The following PARD3B variants were observed in gnomAD, a reference collection of about 807,000 sequenced individuals.
PARD3B encodes the protein par-3 family cell polarity regulator beta, also known as partitioning defective 3 homolog B.
PARD3B carries 103 observed loss-of-function variants against 130.2 expected under a neutral mutation model. The observed-to-expected ratio is 0.79, with a 90% CI of 0.67 to 0.93. The LOEUF (loss-of-function observed/expected upper bound fraction) is 0.93, where lower values mean the gene tolerates loss of function less well. PARD3B is among the 40% of genes least tolerant of loss of function. PARD3B has a pLI of 0.00. For missense variants in PARD3B, 1,609 were observed against 1,499.2 expected (o/e 1.07, Z -1.21); for synonymous variants, 583 against 553.2 (o/e 1.05, Z -0.76).
chr2:204,914,194 G>A (rs1254453329), intron 2 of PARD3B, among the ~76,000 whole-genome samples: 1 of 152,170 alleles, frequency 6.6e-6, no homozygotes, highest in Non-Finnish European at 1.5e-5. Flanking sequence ...TGTGAGATGA[G>A]GGTCTGTTAA....
intron 15 of PARD3B, among the ~76,000 whole-genome samples, chr2:205,223,000 T>G (rs771406341): frequency 1.6e-4 from 24 of 152,142 alleles, no homozygotes; most frequent in Non-Finnish European, 2.9e-4. Context: ...TAGAAAGTGG[T>G]ACGTATTCTT....
intron 2 of PARD3B, among the ~76,000 whole-genome samples, chr2:204,819,561 G>A (rs952910741): frequency 1.3e-5 from 2 of 152,128 alleles, no homozygotes; most frequent in African/African-American, 4.8e-5. Flanking sequence ...TCAAATGAAA[G>A]GAAGAGTCAT....
intron 1 of PARD3B, among the ~76,000 whole-genome samples, chr2:204,685,757 C>T (rs2037045466): frequency 6.6e-6 from 1 of 150,866 alleles, no homozygotes; most frequent in Non-Finnish European, 1.5e-5. Flanking sequence ...TAGCTATTAC[C>T]ATCACAGATT....
At chr2:205,388,929 C>G (rs953957027) in intron 18 of PARD3B, among the ~76,000 whole-genome samples, 1 of 152,274 alleles carries the variant, frequency 6.6e-6, no homozygotes, top group Middle Eastern at 3.4e-3. Flanking sequence ...CAGTTGGTAA[C>G]TCTGTCTTGC....
chr2:204,797,521 A>G (rs867563826), intron 2 of PARD3B, among the ~76,000 whole-genome samples: 8 of 152,232 alleles, frequency 5.3e-5, no homozygotes, highest in Non-Finnish European at 1.2e-4. Flanking sequence ...GAAAATTATT[A>G]AAGTGCATAT....
rs182730805 is a variant in PARD3B, at chr2:205,458,229, C to T, written c.3044+17557C>T. Among the ~76,000 whole-genome samples the T allele has an allele frequency of 1.3e-5, 2 of 152,050 alleles. No individual in the cohort carries two copies. The highest frequency in any genetic ancestry group is 2.9e-5 in the Non-Finnish European group (2 of 68,002). On this transcript the variant is annotated intron_variant, in intron 20 of 22. Transcript: ENST00000406610. The surrounding 1 kb of genome is among the most constrained non-coding windows in gnomAD (Gnocchi z 4.8). ...TTGAAAAATTCTCAGCTGGTCACAC[C>T]TCTTCAGAATTGTTTCTGTTCCCTC... is the stretch of plus-strand genomic sequence containing the variant.
In PARD3B at chr2:205,470,514, C is replaced by T. The variant is rs897394349; in HGVS notation, c.3045-29382C>T. ...AGTTAGAGCATTTCTCCTGAATCTCCCTAAACTCGCATCAGATCTCTTTTG... is the reference window on the plus strand; with the variant it reads ...AGTTAGAGCATTTCTCCTGAATCTCTCTAAACTCGCATCAGATCTCTTTTG... On this transcript the variant is annotated intron_variant, in intron 20 of 22. Transcript: ENST00000406610. The surrounding 1 kb of genome is among the most constrained non-coding windows in gnomAD (Gnocchi z 4.8). Among the ~76,000 whole-genome samples the T allele has an allele frequency of 2.6e-5, 4 of 152,118 alleles. No individual in the cohort carries two copies. The highest frequency in any genetic ancestry group is 7.2e-5 in the African/African-American group (3 of 41,422).
intron 2 of PARD3B, among the ~76,000 whole-genome samples, chr2:204,916,943 T>C (rs150936225): frequency 2.0e-5 from 3 of 152,180 alleles, no homozygotes; most frequent in African/African-American, 7.2e-5. Flanking sequence ...CATAGAACAA[T>C]GAATGAAATG....
At position 204,701,349 on chromosome 2, in the gene PARD3B, A is replaced by G. The variant is rs193041814; in HGVS notation, c.222+15067A>G. Among the ~76,000 whole-genome samples, 30 of 152,316 alleles carry G rather than the reference A, an allele frequency of 2.0e-4. 1 individual carries two copies. The highest frequency in any genetic ancestry group is 6.5e-4 in the African/African-American group (27 of 41,588). On this transcript the variant is annotated intron_variant, in intron 2 of 22. Transcript: ENST00000406610. ...TTTAACCCTATAAATACAGCATAGAATTCTTGTCTAGAGAACTAAGTAAAT... is the reference window on the plus strand; with the variant it reads ...TTTAACCCTATAAATACAGCATAGAGTTCTTGTCTAGAGAACTAAGTAAAT...
chr2:205,333,745 T>A (rs1423672184), intron 18 of PARD3B, among the ~76,000 whole-genome samples: 6 of 152,162 alleles, frequency 3.9e-5, no homozygotes, highest in Non-Finnish European at 8.8e-5. Context: ...TTTCTTTTCC[T>A]CTTATCACTG....
chr2:205,587,606 C>A lies in PARD3B; in HGVS notation c.3261-27850C>A, dbSNP rs141603724. On this transcript the variant is annotated intron_variant, in intron 22 of 22. Transcript: ENST00000406610. ...ACCTTCTCTCTGTGGCTTTCCCTTT[C>A]CCTAATGTAGGTAGAGCTGCTGTAT... Among the ~76,000 whole-genome samples, 810 of 152,272 alleles carry A rather than the reference C, an allele frequency of 5.3e-3. 4 individuals carry two copies. The highest frequency in any genetic ancestry group is 0.019 in the African/African-American group (770 of 41,562).
intron 18 of PARD3B, among the ~76,000 whole-genome samples, chr2:205,359,249 A>C (rs1202948543): frequency 6.6e-6 from 1 of 152,198 alleles, no homozygotes; most frequent in Non-Finnish European, 1.5e-5. Flanking sequence ...CAAGTTAATA[A>C]TTCATCTGTT....
chr2:205,265,579 C>T lies in PARD3B; in HGVS notation c.2185+19757C>T, dbSNP rs193195382. Among the ~76,000 whole-genome samples, 118 of 151,536 alleles carry T rather than the reference C, an allele frequency of 7.8e-4. No homozygotes were observed. Among genetic ancestry groups the T allele is most frequent in the African/African-American group, 2.6e-3 (106 of 41,314 alleles). On this transcript the variant is annotated intron_variant, in intron 16 of 22. Coordinates refer to ENST00000406610, the MANE Select transcript of PARD3B (RefSeq NM_001302769.2). This position sits in a 1 kb window ranked among gnomAD's most constrained non-coding sequence, Gnocchi z 4.3. ...TGCTGCTGATATACCGAGACTTCAC[C>T]GAAGAGATGTTCAGTGTAATATAAT...
intron 18 of PARD3B, among the ~76,000 whole-genome samples, chr2:205,374,653 G>A (rs146685634): frequency 2.1e-4 from 32 of 151,858 alleles, no homozygotes; most frequent in African/African-American, 6.0e-4. Flanking sequence ...TTTTTACCCC[G>A]TTACAGTCTT....
intron 1 of PARD3B, among the ~76,000 whole-genome samples, chr2:204,652,177 G>A (rs898265179): frequency 4.1e-4 from 62 of 152,018 alleles, no homozygotes; most frequent in Admixed American, 2.0e-3. Context: ...CCCCACCCCC[G>A]AAAATCAGTT....
At chr2:204,628,806 A>T (rs1328539531) in intron 1 of PARD3B, among the ~76,000 whole-genome samples, 1 of 152,206 alleles carries the variant, frequency 6.6e-6, no homozygotes, top group Non-Finnish European at 1.5e-5. Flanking sequence ...ATGGGAAATG[A>T]ATGAAGCACA....
chr2:204,581,908 G>T (rs1253540146), intron 1 of PARD3B, among the ~76,000 whole-genome samples: 1 of 152,170 alleles, frequency 6.6e-6, no homozygotes, highest in Non-Finnish European at 1.5e-5. Flanking sequence ...GTGACCTTGG[G>T]TAAAGTTATT....
At chr2:204,703,780 C>T (rs556533622) in intron 2 of PARD3B, among the ~76,000 whole-genome samples, 18 of 152,212 alleles carry the variant, frequency 1.2e-4, no homozygotes, top group African/African-American at 1.7e-4. Context: ...TGAGAATGTA[C>T]ACCACATAGT....
At chr2:204,682,448 C>G (rs763163821) in intron 1 of PARD3B, among the ~76,000 whole-genome samples, 2 of 152,052 alleles carry the variant, frequency 1.3e-5, no homozygotes, top group Non-Finnish European at 2.9e-5. Flanking sequence ...TAGTACCTGA[C>G]CTATAGGTAA....
Sources: allele counts gnomAD v4.1 joint callset (sites outside exome capture counted in the v4.1 genomes callset), GRCh38; gene constraint gnomAD v4.1.1; non-coding constraint Gnocchi (gnomAD v3.1); transcripts MANE v1.5; gene names NCBI Gene and HGNC (gene_info 2026-07-23, HGNC 2026-07-21).